The following VWDE variants were observed in gnomAD, a reference collection of about 807,000 sequenced individuals.
VWDE encodes the protein von Willebrand factor D and EGF domains.
A neutral mutation model predicts 178.4 loss-of-function variants in VWDE; 207 were observed. That is an observed-to-expected ratio of 1.16 (90% CI 1.04 to 1.30). VWDE has a LOEUF of 1.30. Ranked by LOEUF, VWDE falls within the 50% of genes most tolerant of loss-of-function variation. The probability of loss-of-function intolerance (pLI) is 0.00; values close to 1 mark genes in which losing one functional copy is unlikely to be tolerated. For missense variants in VWDE, 2,287 were observed against 1,901.3 expected (o/e 1.20, Z -3.77); for synonymous variants, 738 against 651.4 (o/e 1.13, Z -2.02).
chr7:12,348,350 A>T (rs2128549014), intron 19 of VWDE, among the ~76,000 whole-genome samples: 1 of 148,870 alleles, frequency 6.7e-6, no homozygotes, highest in East Asian at 2.0e-4. Flanking sequence ...AATATCCAGA[A>T]TCTACAATGA....
At chr7:12,361,060 T>A (rs1458191378) in intron 15 of VWDE, 87 bp downstream of exon 15, 142 of 791,492 alleles carry the variant, frequency 1.8e-4, no homozygotes, top group Non-Finnish European at 3.8e-6. Context: ...GGTATAAAAG[T>A]GAAAAAACTA....
At chr7:12,336,940 T>G in intron 26 of VWDE, 48 bp downstream of exon 26, 3 of 1,475,670 alleles carry the variant, frequency 2.0e-6, no homozygotes, top group East Asian at 2.5e-5. Flanking sequence ...CTGCTTTACA[T>G]TCCCATGAAG....
At chr7:12,349,827 G>T (rs1781834207) in intron 19 of VWDE, among the ~76,000 whole-genome samples, 1 of 151,920 alleles carries the variant, frequency 6.6e-6, no homozygotes, top group Admixed American at 6.6e-5. Context: ...TTGGAGATGA[G>T]AAAAGTAAAA....
At position 12,337,068 on chromosome 7, in the gene VWDE, G is replaced by A. The variant is rs750262852; in HGVS notation, c.4478C>T (p.Thr1493Met). 125 of 1,551,452 alleles carry A rather than the reference G, an allele frequency of 8.1e-5. No homozygotes were observed. Among genetic ancestry groups the A allele is most frequent in the Middle Eastern group, 1.7e-4 (1 of 6,012 alleles). The change falls in exon 26 of 29, where the codon ACG (threonine) becomes ATG (methionine). Residue 1493 changes from threonine (T) to methionine (M), a missense_variant. Transcript: ENST00000275358. ...RRFQKSICDPTCMNGGKCVGP... is the reference protein window; with the variant it reads ...RRFQKSICDPMCMNGGKCVGP... ...CACACATTTTCCTCCATTCATGCACGTAGGATCACAGATGCCTTAAGGTAA... is the reference window on the plus strand; with the variant it reads ...CACACATTTTCCTCCATTCATGCACATAGGATCACAGATGCCTTAAGGTAA...
chr7:12,333,029 A>C (rs1780815031), intron 28 of VWDE, among the ~76,000 whole-genome samples: 1 of 152,228 alleles, frequency 6.6e-6, no homozygotes, highest in African/African-American at 2.4e-5. Flanking sequence ...TATAGGAATT[A>C]GGACTGAAAT....
At position 12,359,712 on chromosome 7, in the gene VWDE, A is replaced by G; in HGVS notation, c.3160-20T>C. Reference sequence around the variant, plus strand: ...ATTTTCCTAATGGAAAATTTTTAAAAAAGAAAACATCAAAGTACAGCGTGT... The same window carrying G: ...ATTTTCCTAATGGAAAATTTTTAAAGAAGAAAACATCAAAGTACAGCGTGT... On this transcript the variant is annotated intron_variant, in intron 15 of 28. Transcript: ENST00000275358. 2 of 1,453,716 alleles carry G rather than the reference A, an allele frequency of 1.4e-6. No homozygotes were observed. The highest frequency in any genetic ancestry group is 2.5e-5 in the East Asian group (1 of 40,298). 90.1% of individuals were successfully genotyped at this position (1,453,716 alleles called of 1,614,324 possible). A position where few individuals can be genotyped will look rare whatever the true frequency, so the allele number is the denominator to read the frequency against.
intron 1 of VWDE, among the ~76,000 whole-genome samples, chr7:12,399,058 A>AT (rs1236780956): frequency 2.6e-5 from 4 of 151,968 alleles, no homozygotes; most frequent in East Asian, 1.9e-4. Context: ...AAAAGTTGAG[A>AT]TTTTTTTTAA....
chr7:12,393,458 T>G lies in VWDE; in HGVS notation c.243+136A>C, dbSNP rs1784480168. On this transcript the variant is annotated intron_variant, in intron 2 of 28. Transcript: ENST00000275358. ...ATTATTAGACTAGGTAATGTGGGAA[T>G]AGTCTTTCAGATTAACTCAATACAA... The G allele has an allele frequency of 9.9e-6, 7 of 706,926 alleles. No homozygotes were observed. In the South Asian group the frequency reaches 1.4e-4, roughly 14 times the overall value. 43.8% of individuals were successfully genotyped at this position (706,926 alleles called of 1,614,324 possible).
chr7:12,347,088 C>T (rs1052852893), intron 19 of VWDE, among the ~76,000 whole-genome samples: 18 of 152,112 alleles, frequency 1.2e-4, no homozygotes, highest in Non-Finnish European at 2.2e-4. Context: ...GAGGTAAGCA[C>T]AGTTGTGTCA....
At chr7:12,360,402 T>C (rs1027840264) in intron 15 of VWDE, among the ~76,000 whole-genome samples, 2 of 152,134 alleles carry the variant, frequency 1.3e-5, no homozygotes, top group Admixed American at 6.6e-5. Flanking sequence ...TACTTATGAA[T>C]ATATGGAAAT....
chr7:12,398,890 T>C (rs956169885), intron 1 of VWDE, among the ~76,000 whole-genome samples: 5 of 152,046 alleles, frequency 3.3e-5, no homozygotes, highest in African/African-American at 4.8e-5. Context: ...TAGGGACTAC[T>C]GAAGGGGGAA....
At chr7:12,385,201 C>G (rs1010016788) in intron 3 of VWDE, among the ~76,000 whole-genome samples, 8 of 152,132 alleles carry the variant, frequency 5.3e-5, no homozygotes, top group African/African-American at 1.4e-4. Context: ...AGAATCAAAA[C>G]GTCTTCATGA....
Position 12,369,815 on chromosome 7 carries a change from A to G in VWDE, c.2491T>C (p.Leu831=), listed in dbSNP as rs2128555412. The G allele has an allele frequency of 6.4e-7, 1 of 1,551,502 alleles. No homozygotes were observed. The highest frequency in any genetic ancestry group is 1.2e-5 in the South Asian group (1 of 84,054). ...ACACACATCTCTATAACACTGTCTAATCTCTTGCCAAGAAAAGCAAGACAC... is the reference window on the plus strand; with the variant it reads ...ACACACATCTCTATAACACTGTCTAGTCTCTTGCCAAGAAAAGCAAGACAC... ...RLCLAFLGKR[L]DSVIEMCVKD... The change falls in exon 12 of 29, where the codon TTA becomes CTA. Residue 831 remains leucine, a synonymous_variant. Transcript: ENST00000275358.
At chr7:12,356,496 A>T (rs901578511) in intron 17 of VWDE, among the ~76,000 whole-genome samples, 166 bp from the exon 18 acceptor site, 18 of 152,204 alleles carry the variant, frequency 1.2e-4, no homozygotes, top group Non-Finnish European at 2.4e-4. Flanking sequence ...ATTGTATTAA[A>T]AATAGTTTAA....
At chr7:12,370,972 TA>T in intron 10 of VWDE, 108 bp from the exon 11 acceptor site, 2 of 866,146 alleles carry the variant, frequency 2.3e-6, no homozygotes, top group South Asian at 3.0e-5. Flanking sequence ...TCCCTCAATA[TA>T]AAAAAAGAAT....
At chr7:12,378,646 C>A (rs1359642179) in intron 6 of VWDE, among the ~76,000 whole-genome samples, 3 of 152,126 alleles carry the variant, frequency 2.0e-5, no homozygotes, top group Non-Finnish European at 4.4e-5. Context: ...TGAGTGCTAA[C>A]CAATGTAAAC....
At chr7:12,367,566 C>A in intron 12 of VWDE, 73 bp from the exon 13 acceptor site, 1 of 1,258,436 alleles carries the variant, frequency 7.9e-7, no homozygotes, top group Admixed American at 3.2e-5. Context: ...TATTTCCAAG[C>A]CCCAAATTAA....
intron 10 of VWDE, 115 bp downstream of exon 10, chr7:12,372,862 T>C: frequency 1.0e-6 from 1 of 978,512 alleles, no homozygotes; most frequent in Admixed American, 2.8e-5. Context: ...TTAATATAAA[T>C]GCTATTTTCT....
At chr7:12,379,209 G>T (rs2128558018) in intron 6 of VWDE, among the ~76,000 whole-genome samples, 1 of 152,314 alleles carries the variant, frequency 6.6e-6, no homozygotes, top group East Asian at 1.9e-4. Flanking sequence ...ACGATGGAAT[G>T]AATTAGAGGA....
Sources: allele counts gnomAD v4.1 joint callset (sites outside exome capture counted in the v4.1 genomes callset), GRCh38; gene constraint gnomAD v4.1.1; transcripts MANE v1.5; gene names NCBI Gene and HGNC (gene_info 2026-07-23, HGNC 2026-07-21).